HS3ST5: variants seen among roughly 807,000 people sequenced by gnomAD.
The protein encoded by HS3ST5 is heparan sulfate glucosamine 3-O-sulfotransferase 5.
Under a neutral mutation model 25.4 loss-of-function variants are expected in HS3ST5, and 10 were observed. That is an observed-to-expected ratio of 0.39 (90% CI 0.24 to 0.67). The LOEUF (loss-of-function observed/expected upper bound fraction) is 0.67. HS3ST5 is among the 30% of genes least tolerant of loss of function. The probability of loss-of-function intolerance (pLI) is 0.44; values close to 1 mark genes in which losing one functional copy is unlikely to be tolerated. For missense variants in HS3ST5, 324 were observed against 420.7 expected (o/e 0.77, Z 2.01); for synonymous variants, 170 against 162.4 (o/e 1.05, Z -0.36).
intron 1 of HS3ST5, among the ~76,000 whole-genome samples, chr6:114,326,966 A>G (rs1421661572): frequency 6.6e-6 from 1 of 152,208 alleles, no homozygotes; most frequent in East Asian, 1.9e-4. Flanking sequence ...TTAATATTCA[A>G]AATAACTCTT....
In HS3ST5 at chr6:114,330,748, T is replaced by C. The variant is rs1776360866; in HGVS notation, c.-339+11447A>G. Reference sequence around the variant, plus strand: ...TTCTGAAACAATGAAGTCTTTCTCCTCAAGCCTACTGTAGGTATCTAGGGA... The same window carrying C: ...TTCTGAAACAATGAAGTCTTTCTCCCCAAGCCTACTGTAGGTATCTAGGGA... On this transcript the variant is annotated intron_variant, in intron 1 of 4. Transcript: ENST00000312719. 2.0e-5 allele frequency among the ~76,000 whole-genome samples: 3 copies of C among 152,162 alleles called. No individual in the cohort carries two copies. In the South Asian group the frequency reaches 6.2e-4, roughly 32 times the overall value.
chr6:114,080,057 G>A (rs563732648), intron 3 of HS3ST5, among the ~76,000 whole-genome samples: 12 of 152,174 alleles, frequency 7.9e-5, no homozygotes, highest in Non-Finnish European at 1.0e-4. Flanking sequence ...GATTATAGGC[G>A]TGAGCCACCA....
intron 2 of HS3ST5, among the ~76,000 whole-genome samples, chr6:114,222,284 T>C (rs1420051915): frequency 6.6e-6 from 1 of 151,936 alleles, no homozygotes; most frequent in Non-Finnish European, 1.5e-5. Context: ...TGTTTTTTAT[T>C]GCCTGCCATG....
At chr6:114,095,164 A>C (rs1327162660) in intron 3 of HS3ST5, among the ~76,000 whole-genome samples, 4 of 152,216 alleles carry the variant, frequency 2.6e-5, no homozygotes, top group Non-Finnish European at 4.4e-5. Context: ...TTTGTAACAC[A>C]GCATAGAAAG....
intron 3 of HS3ST5, among the ~76,000 whole-genome samples, chr6:114,130,395 G>A (rs577913644): frequency 3.3e-5 from 5 of 152,080 alleles, no homozygotes; most frequent in South Asian, 2.1e-4. Flanking sequence ...TGTTGTTATC[G>A]AATTTTTCAA....
At chr6:114,183,843 A>G (rs1018465979) in intron 2 of HS3ST5, among the ~76,000 whole-genome samples, 4 of 152,202 alleles carry the variant, frequency 2.6e-5, no homozygotes, top group African/African-American at 9.6e-5. Flanking sequence ...AAACACAGAT[A>G]GTAAAAATGG....
intron 2 of HS3ST5, among the ~76,000 whole-genome samples, chr6:114,203,142 G>A (rs886745559): frequency 6.6e-6 from 1 of 152,202 alleles, no homozygotes; most frequent in Admixed American, 6.5e-5. Flanking sequence ...AGATGTAGGG[G>A]CCAAGGGAAA....
chr6:114,303,986 G>A (rs531394724), intron 1 of HS3ST5, among the ~76,000 whole-genome samples: 2 of 152,170 alleles, frequency 1.3e-5, no homozygotes, highest in African/African-American at 4.8e-5. Flanking sequence ...GATTCCATGT[G>A]GACCTCAGAG....
intron 3 of HS3ST5, among the ~76,000 whole-genome samples, chr6:114,133,739 G>A (rs1777460408): frequency 6.6e-6 from 1 of 152,214 alleles, no homozygotes; most frequent in South Asian, 2.1e-4. Context: ...AGAATATAAT[G>A]TGGTAAATGC....
chr6:114,201,648 T>C (rs983543555), intron 2 of HS3ST5, among the ~76,000 whole-genome samples: 5 of 152,132 alleles, frequency 3.3e-5, no homozygotes, highest in Admixed American at 1.3e-4. Context: ...AGCTTCTCAA[T>C]GAGGCTGTAT....
At chr6:114,342,066 C>A (rs1207383447) in intron 1 of HS3ST5, 129 bp downstream of exon 1, 1 of 152,604 alleles carries the variant, frequency 6.6e-6, no homozygotes, top group Non-Finnish European at 1.5e-5. Context: ...AACCGAACCC[C>A]ACAAAGTGCT....
chr6:114,202,018 G>T (rs1364317622), intron 2 of HS3ST5, among the ~76,000 whole-genome samples: 2 of 152,120 alleles, frequency 1.3e-5, no homozygotes, highest in Non-Finnish European at 2.9e-5. Flanking sequence ...TGGGGAGTAT[G>T]AGAACTACAA....
rs1309782587 is a variant in HS3ST5, at chr6:114,294,872, C to T, written c.-339+47323G>A. ...TACAAAGATCAAATATCTAATTCTT[C>T]TATGTATCTTTCTTTTTCTCTAAAT... On this transcript the variant is annotated intron_variant, in intron 1 of 4. Coordinates refer to ENST00000312719, the MANE Select transcript of HS3ST5 (RefSeq NM_153612.4). Among the ~76,000 whole-genome samples, 3 of 152,112 alleles carry T rather than the reference C, an allele frequency of 2.0e-5. No homozygotes were observed. In the East Asian group the frequency reaches 5.8e-4, roughly 29 times the overall value.
chr6:114,277,756 A>G (rs1478236472), intron 1 of HS3ST5, among the ~76,000 whole-genome samples: 1 of 151,970 alleles, frequency 6.6e-6, no homozygotes, highest in Non-Finnish European at 1.5e-5. Flanking sequence ...GAAAAGCCAT[A>G]TGCAGATATT....
At chr6:114,162,403 C>G (rs62415769) in intron 3 of HS3ST5, among the ~76,000 whole-genome samples, 12,245 of 152,194 alleles carry the variant, frequency 0.08, 571 homozygotes, top group African/African-American at 0.12. Flanking sequence ...AATTTCTTTC[C>G]TTCTGTTCCT....
chr6:114,223,390 A>C (rs567070583), intron 2 of HS3ST5, among the ~76,000 whole-genome samples: 1 of 151,918 alleles, frequency 6.6e-6, no homozygotes, highest in African/African-American at 2.4e-5. Context: ...TAATGGGACT[A>C]TGTTTGAAGA....
rs576016667 is a variant in HS3ST5, at chr6:114,193,777, C to T, written c.-144-25315G>A. On this transcript the variant is annotated intron_variant, in intron 2 of 4. Transcript: ENST00000312719. The stretch of plus-strand genomic sequence containing the variant: ...AATATTACTATTATGAGTGAAATTT[C>T]CTCCACATGTGTCTTCACACTAACA... Among the ~76,000 whole-genome samples the T allele has an allele frequency of 3.5e-5, 5 of 141,426 alleles. No individual in the cohort carries two copies. In the South Asian group the frequency reaches 8.6e-4, roughly 24 times the overall value. The allele number at this position is 141,426 out of a possible 152,430, so 92.8% of individuals were successfully genotyped here. A position where few individuals can be genotyped will look rare whatever the true frequency, so the allele number is the denominator to read the frequency against.
intron 1 of HS3ST5, chr6:114,251,748 T>A (rs1772672753): frequency 6.6e-6 from 1 of 152,166 alleles, no homozygotes; most frequent in African/African-American, 2.4e-5. Flanking sequence ...GAGCTGCTGA[T>A]GGTTATATTG....
chr6:114,066,452 G>A (rs1773452116), intron 3 of HS3ST5, among the ~76,000 whole-genome samples: 1 of 152,136 alleles, frequency 6.6e-6, no homozygotes, highest in African/African-American at 2.4e-5. Flanking sequence ...TGGACAACAT[G>A]GTGAAACCCC....
Sources: gnomAD v4.1 joint callset for allele counts (sites outside exome capture counted in the v4.1 genomes callset) on GRCh38, gnomAD v4.1.1 for gene constraint, MANE v1.5 for transcripts, NCBI Gene and HGNC (gene_info 2026-07-23, HGNC 2026-07-21) for gene names.